Variants in AGBL1 observed in about 807,000 individuals in gnomAD.
AGBL1 encodes AGBL carboxypeptidase 1.
In AGBL1, 130 loss-of-function variants were observed where a neutral mutation model predicts 118.9. The observed-to-expected ratio is 1.09, with a 90% CI of 0.95 to 1.26. The LOEUF is 1.26. Ranked by LOEUF, AGBL1 falls within the 50% of genes most tolerant of loss-of-function variation. The probability of loss-of-function intolerance (pLI) is 0.00; values close to 1 mark genes in which losing one functional copy is unlikely to be tolerated. For missense variants in AGBL1, 1,584 were observed against 1,298.1 expected, an observed-to-expected ratio of 1.22 and a Z score of -3.38; for synonymous variants, 555 against 478.9, an observed-to-expected ratio of 1.16 and a Z score of -2.08.
At chr15:86,783,016 A>G (rs1236280023) in intron 22 of AGBL1, among the ~76,000 whole-genome samples, 1 of 152,218 alleles carries the variant, frequency 6.6e-6, no homozygotes, top group African/African-American at 2.4e-5. Flanking sequence ...CTCCAGTGAC[A>G]TGTATAATTA....
intron 24 of AGBL1, among the ~76,000 whole-genome samples, chr15:87,021,441 G>T (rs560143303): frequency 6.6e-6 from 1 of 152,220 alleles, no homozygotes; most frequent in African/African-American, 2.4e-5. Flanking sequence ...CATGGGCAAA[G>T]ATTTCATGAC....
At chr15:86,504,133 C>T (rs1449282135) in intron 18 of AGBL1, among the ~76,000 whole-genome samples, 1 of 151,586 alleles carries the variant, frequency 6.6e-6, no homozygotes, top group Non-Finnish European at 1.5e-5. Context: ...TACAATCTAG[C>T]TTCTTGATGA....
At chr15:86,776,749 TA>T (rs1183121282) in intron 22 of AGBL1, among the ~76,000 whole-genome samples, 2 of 105,308 alleles carry the variant, frequency 1.9e-5, no homozygotes, top group Non-Finnish European at 1.7e-5. Flanking sequence ...TATATATATA[TA>T]TGTGTGTGTG....
chr15:86,369,241 TG>T (rs1385824341), intron 17 of AGBL1, among the ~76,000 whole-genome samples: 1 of 152,198 alleles, frequency 6.6e-6, no homozygotes, highest in Non-Finnish European at 1.5e-5. Flanking sequence ...ACTAATTCAT[TG>T]TTTAATTTGA....
At chr15:86,565,872 A>T (rs956474170) in intron 21 of AGBL1, among the ~76,000 whole-genome samples, 1 of 152,142 alleles carries the variant, frequency 6.6e-6, no homozygotes, top group African/African-American at 2.4e-5. Context: ...TTGCAGTTCG[A>T]TCTCAGACTG....
intron 7 of AGBL1, among the ~76,000 whole-genome samples, chr15:86,249,523 T>C (rs2078774439): frequency 6.6e-6 from 1 of 152,192 alleles, no homozygotes; most frequent in African/African-American, 2.4e-5. Flanking sequence ...GAAATAGCTA[T>C]ATTTTACCTT....
chr15:86,419,751 G>A (rs1016946301), intron 18 of AGBL1, among the ~76,000 whole-genome samples: 9 of 152,296 alleles, frequency 5.9e-5, no homozygotes, highest in South Asian at 2.1e-4. Context: ...GTCTGAAGTC[G>A]ACCTGGGATG....
At chr15:86,466,238 A>C (rs2082404476) in intron 18 of AGBL1, among the ~76,000 whole-genome samples, 1 of 152,178 alleles carries the variant, frequency 6.6e-6, no homozygotes, top group Middle Eastern at 3.4e-3. Context: ...TATTTCATTA[A>C]GTTGATCTTC....
chr15:86,674,235 TA>T, intron 21 of AGBL1, 37 bp from the exon 22 acceptor site: 1 of 1,574,690 alleles, frequency 6.4e-7, no homozygotes, highest in Non-Finnish European at 8.7e-7. Context: ...CAGCTCCCAT[TA>T]TACGTTGCCA....
intron 10 of AGBL1, among the ~76,000 whole-genome samples, chr15:86,263,365 C>A (rs1221788216): frequency 6.6e-6 from 1 of 152,184 alleles, no homozygotes; most frequent in East Asian, 1.9e-4. Context: ...GTAGGCTAAA[C>A]CATCTAAGTT....
intron 22 of AGBL1, among the ~76,000 whole-genome samples, chr15:86,699,014 A>G (rs528422822): frequency 2.0e-5 from 3 of 152,088 alleles, no homozygotes; most frequent in Non-Finnish European, 4.4e-5. Flanking sequence ...TTCTTTTCAA[A>G]TAATAAAGAT....
At chr15:86,633,125 C>A (rs1022257266) in intron 21 of AGBL1, among the ~76,000 whole-genome samples, 1 of 152,074 alleles carries the variant, frequency 6.6e-6, no homozygotes, top group African/African-American at 2.4e-5. Context: ...AAGAAAGTAT[C>A]TTGAAAGCAA....
intron 18 of AGBL1, among the ~76,000 whole-genome samples, chr15:86,404,012 A>G (rs1332971506): frequency 1.3e-5 from 2 of 152,244 alleles, no homozygotes; most frequent in Non-Finnish European, 2.9e-5. Context: ...GCCCAAGGTT[A>G]TATGACTAGC....
At chr15:87,025,456 C>T (rs535713092) in intron 24 of AGBL1, among the ~76,000 whole-genome samples, 1 of 151,874 alleles carries the variant, frequency 6.6e-6, no homozygotes, top group Non-Finnish European at 1.5e-5. Context: ...AGTGAAAGAC[C>T]TCTGCAAGGA....
intron 22 of AGBL1, among the ~76,000 whole-genome samples, chr15:86,795,141 A>G (rs2078551366): frequency 6.6e-6 from 1 of 152,238 alleles, no homozygotes; most frequent in Non-Finnish European, 1.5e-5. Flanking sequence ...TACAAGGCCC[A>G]GCCCTGGCAC....
Position 86,838,538 on chromosome 15 carries a change from A to G in AGBL1, c.3159-68549A>G, listed in dbSNP as rs75739054. Among the ~76,000 whole-genome samples the G allele has an allele frequency of 2.5e-3, 384 of 152,314 alleles. 3 individuals are homozygous for G. The highest frequency in any genetic ancestry group is 8.6e-3 in the African/African-American group (359 of 41,570). On this transcript the variant is annotated intron_variant, in intron 22 of 22. Transcript: ENST00000614907. ...GTGACATTATCTTAGCAAGTTCACC[A>G]TGATCTAAGGCTGGGTTCTCAGATT... is the stretch of plus-strand genomic sequence containing the variant.
At chr15:86,888,023 C>T (rs2079995751) in intron 22 of AGBL1, among the ~76,000 whole-genome samples, 1 of 152,122 alleles carries the variant, frequency 6.6e-6, no homozygotes, top group African/African-American at 2.4e-5. Context: ...TCTCTCACCA[C>T]TCCGGCTGCC....
At chr15:86,706,243 T>C (rs1364845300) in intron 22 of AGBL1, among the ~76,000 whole-genome samples, 2 of 152,098 alleles carry the variant, frequency 1.3e-5, no homozygotes, top group Non-Finnish European at 2.9e-5. Context: ...TCATTTTTTA[T>C]TGTCACAATA....
intron 22 of AGBL1, among the ~76,000 whole-genome samples, chr15:86,898,269 C>G (rs1229974296): frequency 1.3e-5 from 2 of 152,090 alleles, no homozygotes; most frequent in Non-Finnish European, 2.9e-5. Flanking sequence ...GTCATGAAAT[C>G]TTTTCTGATT....
Sources: allele counts gnomAD v4.1 joint callset (sites outside exome capture counted in the v4.1 genomes callset), GRCh38; gene constraint gnomAD v4.1.1; transcripts MANE v1.5; gene names NCBI Gene and HGNC (gene_info 2026-07-23, HGNC 2026-07-21).